TUSC3: variants seen among roughly 807,000 people sequenced by gnomAD.
TUSC3 encodes tumor suppressor candidate 3, also known as dolichyl-diphosphooligosaccharide--protein glycosyltransferase subunit TUSC3.
A neutral mutation model predicts 44.8 loss-of-function variants in TUSC3; 45 were observed. The observed-to-expected ratio is 1.00, with a 90% CI of 0.79 to 1.29. The LOEUF is 1.29. TUSC3 is among the 50% of genes most tolerant of loss of function. The probability of loss-of-function intolerance (pLI) is 0.00; values close to 1 mark genes in which losing one functional copy is unlikely to be tolerated. For synonymous variants in TUSC3, 212 were observed against 152.9 expected (o/e 1.39, Z -2.85); for missense variants, 519 against 437.9 (o/e 1.19, Z -1.65).
intron 6 of TUSC3, among the ~76,000 whole-genome samples, chr8:15,679,890 G>T (rs145401806): frequency 6.6e-6 from 1 of 152,072 alleles, no homozygotes; most frequent in Non-Finnish European, 1.5e-5. Flanking sequence ...AGATCAGGTG[G>T]TTGTAGATGT....
chr8:15,521,020 G>C (rs1801290277), intron 2 of TUSC3, among the ~76,000 whole-genome samples: 1 of 152,216 alleles, frequency 6.6e-6, no homozygotes, highest in Non-Finnish European at 1.5e-5. Flanking sequence ...AACTGGGAAA[G>C]TGCCAAGGGA....
At chr8:15,498,882 T>G (rs765597656) in intron 2 of TUSC3, among the ~76,000 whole-genome samples, 5 of 152,248 alleles carry the variant, frequency 3.3e-5, no homozygotes, top group Non-Finnish European at 5.9e-5. Flanking sequence ...ATCAGTACAA[T>G]GAATTCTTAT....
intron 6 of TUSC3, among the ~76,000 whole-genome samples, chr8:15,700,165 G>T (rs1315402894): frequency 6.6e-6 from 1 of 152,024 alleles, no homozygotes; most frequent in East Asian, 1.9e-4. Context: ...ATAATCTCTG[G>T]GTCCAGAAAG....
intron 1 of TUSC3, among the ~76,000 whole-genome samples, chr8:15,616,804 G>A (rs115548166): frequency 0.014 from 2,119 of 152,160 alleles, 46 homozygotes; most frequent in African/African-American, 0.046. Context: ...TTTGGGTGCC[G>A]CTGCGTTCCC....
At chr8:15,786,122 AT>A in the TUSC3 span, among the ~76,000 whole-genome samples, 1 of 152,194 alleles carries the variant, frequency 6.6e-6, no homozygotes, top group Non-Finnish European at 1.5e-5. Context: ...AATGTAAAAG[AT>A]TTTTAAATCT....
chr8:15,539,305 C>T (rs1227007950), upstream of TUSC3, among the ~76,000 whole-genome samples: 1 of 149,482 alleles, frequency 6.7e-6, no homozygotes, highest in Non-Finnish European at 1.5e-5. Flanking sequence ...ACGGATCAGG[C>T]CCATATCAAA....
chr8:15,628,497 T>C (rs564728963), intron 2 of TUSC3, among the ~76,000 whole-genome samples: 1 of 152,332 alleles, frequency 6.6e-6, no homozygotes, highest in South Asian at 2.1e-4. Flanking sequence ...GTTTTGGATT[T>C]ATAAGAGAAA....
chr8:15,624,931 G>A (rs1158677949), intron 2 of TUSC3, among the ~76,000 whole-genome samples: 1 of 151,872 alleles, frequency 6.6e-6, no homozygotes, highest in Non-Finnish European at 1.5e-5. Flanking sequence ...ATGTTTTACA[G>A]TTTGATCTGC....
intron 6 of TUSC3, among the ~76,000 whole-genome samples, chr8:15,727,841 TCTTA>T (rs1159974339): frequency 6.6e-6 from 1 of 152,226 alleles, no homozygotes; most frequent in Non-Finnish European, 1.5e-5. Context: ...TATCATACTA[TCTTA>T]CTTGATTTTT....
In TUSC3 at chr8:15,519,766, T is replaced by G. The variant is rs543529259; in HGVS notation, n.189+36283T>G. On this transcript the variant is annotated intron_variant and non_coding_transcript_variant, in intron 2 of 5. Transcript: ENST00000503191. The stretch of plus-strand genomic sequence containing the variant: ...TAAGGGGACCACTGGATTAAGTAAT[T>G]ATATAATTGTAGAAAGGTCTATATT... Among the ~76,000 whole-genome samples the G allele has an allele frequency of 2.0e-5, 3 of 152,274 alleles. No homozygotes were observed. In the South Asian group the frequency reaches 6.2e-4, roughly 32 times the overall value.
rs146718595 is a variant in TUSC3, at chr8:15,694,435, C to CAAA, written c.798+20622_798+20624dup. ...TGAGCAACAAGACGGAAACTCCATC[C>CAAA]AAAAAAAAAAAAAAAAAAAAAAAAA... On this transcript the variant is annotated intron_variant, in intron 6 of 10. Transcript: ENST00000503731. Among the ~76,000 whole-genome samples, 195 of 83,192 alleles carry CAAA rather than the reference C, an allele frequency of 2.3e-3. 3 individuals carry two copies. The highest frequency in any genetic ancestry group is 9.9e-3 in the African/African-American group (180 of 18,188). 54.6% of individuals were successfully genotyped at this position (83,192 alleles called of 152,430 possible).
intron 6 of TUSC3, among the ~76,000 whole-genome samples, chr8:15,681,532 C>A (rs1808430360): frequency 6.7e-6 from 1 of 148,352 alleles, no homozygotes; most frequent in African/African-American, 2.5e-5. Flanking sequence ...TTTGTCATTT[C>A]CGATTGTGCT....
chr8:15,690,214 T>C (rs188455306), intron 6 of TUSC3, among the ~76,000 whole-genome samples: 1 of 152,254 alleles, frequency 6.6e-6, no homozygotes, highest in East Asian at 1.9e-4. Flanking sequence ...TTCTGATTGG[T>C]GTGAGGTAGC....
chr8:15,697,307 C>T (rs1043079423), intron 6 of TUSC3, among the ~76,000 whole-genome samples: 6 of 151,796 alleles, frequency 4.0e-5, no homozygotes, highest in Admixed American at 3.9e-4. Flanking sequence ...TGGTTATTTC[C>T]TTTCTTCTGC....
intron 1 of TUSC3, among the ~76,000 whole-genome samples, chr8:15,568,822 T>C (rs530480289): frequency 1.3e-5 from 2 of 152,118 alleles, no homozygotes; most frequent in Non-Finnish European, 2.9e-5. Flanking sequence ...TAAAACTTTG[T>C]CATGTATTTT....
intron 7 of TUSC3, among the ~76,000 whole-genome samples, chr8:15,732,139 T>C (rs1249778826): frequency 6.6e-6 from 1 of 152,184 alleles, no homozygotes; most frequent in East Asian, 1.9e-4. Flanking sequence ...ACTCTGAACT[T>C]TGGTGGCCAC....
the TUSC3 span, among the ~76,000 whole-genome samples, chr8:15,802,141 C>T: frequency 6.6e-6 from 1 of 152,208 alleles, no homozygotes; most frequent in African/African-American, 2.4e-5. Flanking sequence ...AAGAGGGATG[C>T]CCGAGACTTT....
the TUSC3 span, among the ~76,000 whole-genome samples, chr8:15,773,559 C>T: frequency 1.8e-4 from 28 of 152,002 alleles, no homozygotes; most frequent in South Asian, 1.0e-3. Flanking sequence ...TATTATAATC[C>T]AGTGGCCTTT....
chr8:15,620,669 C>T (rs1805203733), intron 1 of TUSC3, among the ~76,000 whole-genome samples: 1 of 152,072 alleles, frequency 6.6e-6, no homozygotes, highest in Non-Finnish European at 1.5e-5. Flanking sequence ...TTACCTAGTC[C>T]TTTGTTACTT....
Sources: gnomAD v4.1 joint callset for allele counts (sites outside exome capture counted in the v4.1 genomes callset) on GRCh38, gnomAD v4.1.1 for gene constraint, MANE v1.5 for transcripts, NCBI Gene and HGNC (gene_info 2026-07-23, HGNC 2026-07-21) for gene names.